The following GLRB variants were observed in gnomAD, a reference collection of about 807,000 sequenced individuals.
GLRB encodes the protein glycine receptor subunit beta.
Under a neutral mutation model 54.2 loss-of-function variants are expected in GLRB, and 33 were observed. The observed-to-expected ratio is 0.61, with a 90% CI of 0.46 to 0.81. The LOEUF (loss-of-function observed/expected upper bound fraction) is 0.81, where lower values mean the gene tolerates loss of function less well. Ranked by LOEUF, GLRB falls within the 40% of genes least tolerant of loss-of-function variation. GLRB has a pLI of 0.00. For missense variants in GLRB, 572 were observed against 584.6 expected, an observed-to-expected ratio of 0.98 and a Z score of 0.22; for synonymous variants, 209 against 208.2, an observed-to-expected ratio of 1.00 and a Z score of -0.03.
chr4:157,080,993 G>A (rs1187184307), intron 2 of GLRB, among the ~76,000 whole-genome samples: 3 of 152,112 alleles, frequency 2.0e-5, no homozygotes, highest in African/African-American at 7.2e-5. Flanking sequence ...ATTTAATATT[G>A]ATGCTGAGCT....
chr4:157,103,322 G>A (rs1735106627), intron 2 of GLRB, among the ~76,000 whole-genome samples: 1 of 152,276 alleles, frequency 6.6e-6, no homozygotes, highest in African/African-American at 2.4e-5. Context: ...TGTAGTTATG[G>A]CTTGTGGAAC....
At chr4:157,112,370 G>A (rs913545405) in intron 2 of GLRB, among the ~76,000 whole-genome samples, 4 of 151,784 alleles carry the variant, frequency 2.6e-5, no homozygotes, top group Non-Finnish European at 5.9e-5. Flanking sequence ...TGCATAACCT[G>A]TACATAGCAA....
At chr4:157,096,159 A>G (rs1209113469) in intron 2 of GLRB, among the ~76,000 whole-genome samples, 3 of 152,194 alleles carry the variant, frequency 2.0e-5, no homozygotes, top group African/African-American at 4.8e-5. Context: ...GCAGGGGAAC[A>G]GTGCAAAAGC....
At chr4:157,146,538 G>A (rs559254572) in intron 8 of GLRB, among the ~76,000 whole-genome samples, 1 of 152,144 alleles carries the variant, frequency 6.6e-6, no homozygotes, top group African/African-American at 2.4e-5. Context: ...TGATGATGGG[G>A]CTGAGAGCAG....
intron 2 of GLRB, among the ~76,000 whole-genome samples, chr4:157,081,972 C>G (rs1169340902): frequency 6.6e-6 from 1 of 152,164 alleles, no homozygotes; most frequent in Admixed American, 6.5e-5. Flanking sequence ...AAGCCTCACA[C>G]GCATCAACTC....
At chr4:157,084,317 A>T (rs1451309560) in intron 2 of GLRB, among the ~76,000 whole-genome samples, 1 of 152,164 alleles carries the variant, frequency 6.6e-6, no homozygotes, top group Admixed American at 6.5e-5. Context: ...AGTAAGTGAA[A>T]CTAATATGTT....
chr4:157,093,102 C>A (rs1390549320), intron 2 of GLRB, among the ~76,000 whole-genome samples: 1 of 152,126 alleles, frequency 6.6e-6, no homozygotes, highest in East Asian at 1.9e-4. Flanking sequence ...AATATCTTTG[C>A]CATTTTCAAG....
intron 7 of GLRB, among the ~76,000 whole-genome samples, chr4:157,143,055 G>T (rs540423960): frequency 6.6e-6 from 1 of 152,082 alleles, no homozygotes; most frequent in Non-Finnish European, 1.5e-5. Context: ...GATTAATTTG[G>T]GGGACTAGTT....
intron 6 of GLRB, among the ~76,000 whole-genome samples, chr4:157,138,321 G>A (rs1259800394): frequency 2.0e-5 from 3 of 152,056 alleles, no homozygotes; most frequent in South Asian, 2.1e-4. Context: ...TGATCCACCC[G>A]CCTTGGCCTC....
intron 8 of GLRB, 103 bp downstream of exon 8, chr4:157,144,062 A>G: frequency 8.2e-7 from 1 of 1,218,728 alleles, no homozygotes; most frequent in Non-Finnish European, 1.2e-6. Context: ...TAGAATTGTT[A>G]GCCACCAATT....
intron 9 of GLRB, among the ~76,000 whole-genome samples, chr4:157,161,223 T>A (rs59427741): frequency 0.13 from 19,079 of 152,188 alleles, 2,560 homozygotes; most frequent in African/African-American, 0.34. Context: ...CCTATGTGTG[T>A]CTCTGCACAT....
chr4:157,153,305 T>G (rs1273414390), intron 9 of GLRB, among the ~76,000 whole-genome samples: 2 of 152,184 alleles, frequency 1.3e-5, no homozygotes, highest in Non-Finnish European at 2.9e-5. Context: ...ACCATTGAAT[T>G]TGGAGACCTT....
chr4:157,163,726 C>CA (rs1364342051), intron 9 of GLRB, among the ~76,000 whole-genome samples: 1 of 151,916 alleles, frequency 6.6e-6, no homozygotes, highest in African/African-American at 2.4e-5. Context: ...TTATATGAGA[C>CA]AAAAGGGGGA....
chr4:157,108,096 CT>C (rs1275240768), intron 2 of GLRB, among the ~76,000 whole-genome samples: 2 of 152,052 alleles, frequency 1.3e-5, no homozygotes, highest in African/African-American at 4.8e-5. Context: ...GGAAAAAAGA[CT>C]CATTTTCAAA....
At chr4:157,083,963 A>G (rs1338479482) in intron 2 of GLRB, among the ~76,000 whole-genome samples, 1 of 152,166 alleles carries the variant, frequency 6.6e-6, no homozygotes, top group East Asian at 1.9e-4. Flanking sequence ...TAACAAATAT[A>G]ATGATCTAAT....
At chr4:157,122,446 G>A (rs766349928) in intron 4 of GLRB, 49 bp downstream of exon 4, 3 of 700,546 alleles carry the variant, frequency 4.3e-6, no homozygotes, top group Non-Finnish European at 7.7e-6. Context: ...CAATAGAGGA[G>A]ATAGTGAAAG....
chr4:157,124,999 C>A (rs1178342728), intron 4 of GLRB, among the ~76,000 whole-genome samples: 7 of 151,722 alleles, frequency 4.6e-5, no homozygotes, highest in Non-Finnish European at 1.0e-4. Flanking sequence ...TGCTGTAATA[C>A]CTTGTTGTTT....
In GLRB at chr4:157,085,944, T is replaced by C. The variant is rs550700663; in HGVS notation, c.122+7798T>C. Among the ~76,000 whole-genome samples the C allele has an allele frequency of 1.5e-3, 232 of 152,228 alleles. 1 individual carries two copies. The highest frequency in any genetic ancestry group is 5.3e-3 in the African/African-American group (221 of 41,558). On this transcript the variant is annotated intron_variant, in intron 2 of 9. Transcript: ENST00000264428. ...AAATTTATGTGAAACAACTCTCTTA[T>C]ATTATGTGTGTAGGTATGTATATAT...
intron 9 of GLRB, among the ~76,000 whole-genome samples, chr4:157,161,064 T>C (rs2126621102): frequency 6.6e-6 from 1 of 152,354 alleles, no homozygotes; most frequent in Admixed American, 6.5e-5. Flanking sequence ...TCTTGTTGAA[T>C]TGATCCCTTT....
Sources: gnomAD v4.1 joint callset for allele counts (sites outside exome capture counted in the v4.1 genomes callset) on GRCh38, gnomAD v4.1.1 for gene constraint, MANE v1.5 for transcripts, NCBI Gene and HGNC (gene_info 2026-07-23, HGNC 2026-07-21) for gene names.